Variants in MGAT5 observed in about 807,000 individuals in gnomAD.
MGAT5 encodes alpha-1,6-mannosylglycoprotein 6-beta-N-acetylglucosaminyltransferase A.
MGAT5 carries 30 observed loss-of-function variants against 94.3 expected under a neutral mutation model. That is an observed-to-expected ratio of 0.32 (90% CI 0.24 to 0.43). The LOEUF is 0.43. MGAT5 is among the 20% of genes least tolerant of loss of function. MGAT5 has a pLI of 1.00. For missense variants in MGAT5, 691 were observed against 905.5 expected, an observed-to-expected ratio of 0.76 and a Z score of 3.04; for synonymous variants, 310 against 322.9, an observed-to-expected ratio of 0.96 and a Z score of 0.43.
chr2:134,305,159 T>C (rs1218782563), intron 2 of MGAT5, among the ~76,000 whole-genome samples: 2 of 152,194 alleles, frequency 1.3e-5, no homozygotes, highest in African/African-American at 4.8e-5. Context: ...TTCTGCATTA[T>C]CTTGCAATTT....
At chr2:134,337,085 T>G in intron 5 of MGAT5, among the ~76,000 whole-genome samples, 1 of 152,180 alleles carries the variant, frequency 6.6e-6, no homozygotes, top group East Asian at 1.9e-4. Context: ...AGTAAAATTT[T>G]ATGCACAAAA....
At chr2:134,237,123 A>ATGTGTATGTATGTGTGTGTG (rs367744090) in intron 1 of MGAT5, among the ~76,000 whole-genome samples, 2,986 of 140,606 alleles carry the variant, frequency 0.021, 68 homozygotes, top group African/African-American at 0.045. Flanking sequence ...GAAGGAGTAT[A>ATGTGTATGTATGTGTGTGTG]TGTGTGTGTG....
In MGAT5 at chr2:134,169,606, T is replaced by TG. The variant is rs1227698180; in HGVS notation, c.-143+49317dup. On this transcript the variant is annotated intron_variant, in intron 1 of 16. Transcript: ENST00000409645. ...TTGGGTGAAATCTTGATGAATGCTG[T>TG]GGTGGTATACAGCACCTGATGTGAA... Among the ~76,000 whole-genome samples the TG allele has an allele frequency of 2.0e-5, 3 of 152,330 alleles. No homozygotes were observed. The East Asian group carries it at 5.8e-4, about 29-fold the overall frequency.
intron 2 of MGAT5, among the ~76,000 whole-genome samples, chr2:134,278,390 C>T (rs1684505252): frequency 6.6e-6 from 1 of 152,154 alleles, no homozygotes; most frequent in Middle Eastern, 3.2e-3. Context: ...GAAGTTTTGG[C>T]AACTCTCTAG....
chr2:134,147,192 A>ATGT (rs1686959059), intron 1 of MGAT5, among the ~76,000 whole-genome samples: 1 of 152,238 alleles, frequency 6.6e-6, no homozygotes, highest in Non-Finnish European at 1.5e-5. Flanking sequence ...GGATAATGGT[A>ATGT]CAGCATGGAT....
chr2:134,338,559 C>G, intron 6 of MGAT5, 139 bp downstream of exon 6: 2 of 939,058 alleles, frequency 2.1e-6, no homozygotes, highest in Admixed American at 3.5e-5. Context: ...TCTTGTACAG[C>G]TGTTTTTGGG....
intron 1 of MGAT5, among the ~76,000 whole-genome samples, chr2:134,158,583 G>A (rs1302594364): frequency 1.3e-5 from 2 of 152,170 alleles, no homozygotes; most frequent in Admixed American, 1.3e-4. Context: ...AAGAATGCAG[G>A]GATGCCCGGG....
chr2:134,192,661 A>T (rs111777198), intron 1 of MGAT5, among the ~76,000 whole-genome samples: 10,061 of 151,976 alleles, frequency 0.066, 632 homozygotes, highest in East Asian at 0.25. Context: ...ACTTTTTAAA[A>T]TTTTTTTATT....
intron 1 of MGAT5, among the ~76,000 whole-genome samples, chr2:134,246,218 G>A (rs547364113): frequency 6.8e-6 from 1 of 147,614 alleles, no homozygotes; most frequent in Admixed American, 6.7e-5. Context: ...AAAGGTCTCT[G>A]TTCATACCTA....
chr2:134,202,782 C>T (rs1679854560), intron 1 of MGAT5, among the ~76,000 whole-genome samples: 1 of 152,208 alleles, frequency 6.6e-6, no homozygotes, highest in African/African-American at 2.4e-5. Flanking sequence ...CTAATGCTAT[C>T]TTTACCGTGC....
intron 10 of MGAT5, among the ~76,000 whole-genome samples, chr2:134,388,201 CTG>C (rs1558848442): frequency 6.6e-6 from 1 of 152,148 alleles, no homozygotes; most frequent in African/African-American, 2.4e-5. Flanking sequence ...TCAGAATAAA[CTG>C]TGATGACTCT....
At chr2:134,214,475 A>G (rs1164391980) in intron 1 of MGAT5, among the ~76,000 whole-genome samples, 2 of 152,006 alleles carry the variant, frequency 1.3e-5, no homozygotes, top group African/African-American at 4.8e-5. Context: ...TGCAAAACCA[A>G]TCTATGTTTT....
intron 1 of MGAT5, among the ~76,000 whole-genome samples, chr2:134,128,808 C>T (rs150923518): frequency 5.3e-5 from 8 of 152,156 alleles, no homozygotes; most frequent in Admixed American, 3.3e-4. Context: ...TGGCCTCAAG[C>T]GATCCTACTG....
chr2:134,273,124 C>T (rs996441124), intron 2 of MGAT5, among the ~76,000 whole-genome samples: 1 of 150,564 alleles, frequency 6.6e-6, no homozygotes, highest in Non-Finnish European at 1.5e-5. Flanking sequence ...TCATTTCCCC[C>T]AGAAGGTGGG....
rs143825859 is a variant in MGAT5 at position 134,278,633 on chromosome 2, C to T, written c.406+8083C>T. Among the ~76,000 whole-genome samples the T allele has an allele frequency of 6.8e-3, 1,039 of 152,306 alleles. 3 individuals carry two copies. The highest frequency in any genetic ancestry group is 0.014 in the Middle Eastern group (4 of 294). On this transcript the variant is annotated intron_variant, in intron 2 of 15. Transcript: ENST00000281923. ...TTGGCTTTCTGGAGCTATCCTAAAC[C>T]TGACTCAAGCTTTTCTCTCCCTGAG...
intron 15 of MGAT5, among the ~76,000 whole-genome samples, chr2:134,446,328 T>C (rs1685771393): frequency 6.6e-6 from 1 of 151,856 alleles, no homozygotes; most frequent in African/African-American, 2.4e-5. Context: ...CTGACAATTA[T>C]ATTCCTCGCC....
At chr2:134,445,171 G>C (rs550167492) in intron 15 of MGAT5, among the ~76,000 whole-genome samples, 1 of 152,262 alleles carries the variant, frequency 6.6e-6, no homozygotes, top group Admixed American at 6.5e-5. Flanking sequence ...AGAGAGGGAA[G>C]GTGACCCTTA....
intron 1 of MGAT5, among the ~76,000 whole-genome samples, chr2:134,230,153 C>T (rs940479388): frequency 7.2e-5 from 11 of 152,192 alleles, no homozygotes; most frequent in African/African-American, 2.7e-4. Context: ...GAAACTGTTC[C>T]ACCTCAGATC....
In MGAT5 at chr2:134,441,900, A is replaced by G; in HGVS notation, c.2012A>G (p.Asp671Gly). Residue 671 changes from aspartate to glycine, a missense_variant, in exon 15 of 16, where the codon GAC becomes GGC. Transcript: ENST00000281923. The part of the protein sequence containing the change: ...EPSFFQHLNK[D>G]KDMLKYKVTC... ...TCTTTCTTCCAGCACCTCAACAAGG[A>G]CAAGGACATGCTGAAGTAAGTGCCC... 1 of 1,613,834 alleles carries G rather than the reference A, an allele frequency of 6.2e-7. No homozygotes were observed. Among genetic ancestry groups the G allele is most frequent in the East Asian group, 2.2e-5 (1 of 44,846 alleles).
Sources: allele counts gnomAD v4.1 joint callset (sites outside exome capture counted in the v4.1 genomes callset), GRCh38; gene constraint gnomAD v4.1.1; transcripts MANE v1.5; gene names NCBI Gene and HGNC (gene_info 2026-07-23, HGNC 2026-07-21).